The following PKP4 variants were observed in gnomAD, a reference collection of about 807,000 sequenced individuals.
PKP4 encodes the protein plakophilin 4, also known as plakophilin-4.
A neutral mutation model predicts 145.1 loss-of-function variants in PKP4; 90 were observed. The observed-to-expected ratio is 0.62, with a 90% CI of 0.52 to 0.74. The LOEUF is 0.74. Ranked by LOEUF, PKP4 falls within the 30% of genes least tolerant of loss-of-function variation. The pLI, the probability that PKP4 is intolerant of heterozygous loss-of-function variation, is 0.00. For synonymous variants in PKP4, 563 were observed against 577.2 expected (o/e 0.98, Z 0.35); for missense variants, 1,340 against 1,482.7 (o/e 0.90, Z 1.58).
In PKP4 at chr2:158,625,234, T is replaced by G; in HGVS notation, c.960T>G (p.Asp320Glu). 1 of 1,614,178 alleles carries G rather than the reference T, an allele frequency of 6.2e-7. No individual in the cohort carries two copies. Among genetic ancestry groups the G allele is most frequent in the Non-Finnish European group, 8.5e-7 (1 of 1,180,022 alleles). ...ARVGSPLTLT[D>E]AQTRVASPSQ... is the part of the protein sequence containing the mutation. ...TGGGGTCCCCACTGACCCTGACGGA[T>G]GCACAGACTCGAGTAGCTTCCCCAT... Residue 320 changes from aspartate to glutamate, a missense_variant, in exon 7 of 22, where the codon GAT becomes GAG. Asp to Glu is a conservative substitution (Grantham distance 45, BLOSUM62 2). Coordinates refer to ENST00000389759, the MANE Select transcript of PKP4 (RefSeq NM_003628.6).
chr2:158,504,553 A>G (rs1436588998), intron 1 of PKP4, among the ~76,000 whole-genome samples: 1 of 152,212 alleles, frequency 6.6e-6, no homozygotes, highest in East Asian at 1.9e-4. Context: ...CTAAGTTTTC[A>G]CTTTTCTCTT....
chr2:158,473,480 A>G (rs1226815539), intron 1 of PKP4, among the ~76,000 whole-genome samples: 2 of 152,246 alleles, frequency 1.3e-5, no homozygotes, highest in Non-Finnish European at 2.9e-5. Context: ...ATGCAGCCAT[A>G]AAAATAACAA....
intron 1 of PKP4, among the ~76,000 whole-genome samples, chr2:158,470,790 C>T (rs890841311): frequency 6.6e-5 from 10 of 152,048 alleles, no homozygotes; most frequent in Non-Finnish European, 7.4e-5. Flanking sequence ...AATTCATACC[C>T]CTTGAGGGCT....
At chr2:158,544,289 A>G (rs4664972) in intron 2 of PKP4, among the ~76,000 whole-genome samples, 139,798 of 152,212 alleles carry the variant, frequency 0.92, 64,257 homozygotes, top group East Asian at 0.98. Context: ...AGACTCATGA[A>G]AATAAAGGTT....
intron 4 of PKP4, among the ~76,000 whole-genome samples, chr2:158,615,206 T>C (rs2051485281): frequency 6.6e-6 from 1 of 152,204 alleles, no homozygotes; most frequent in African/African-American, 2.4e-5. Flanking sequence ...TAATTTTTTT[T>C]CCCAAAGAGA....
At chr2:158,620,611 ATTT>A (rs948822257) in intron 4 of PKP4, among the ~76,000 whole-genome samples, 6 of 152,298 alleles carry the variant, frequency 3.9e-5, no homozygotes, top group African/African-American at 1.4e-4. Context: ...GTAAGTTTTC[ATTT>A]TTAATTGTTT....
chr2:158,471,805 A>C (rs769162803), intron 1 of PKP4, among the ~76,000 whole-genome samples: 1 of 152,258 alleles, frequency 6.6e-6, no homozygotes, highest in Non-Finnish European at 1.5e-5. Flanking sequence ...CCTTTTTTAG[A>C]TACCTCATTA....
intron 11 of PKP4, among the ~76,000 whole-genome samples, chr2:158,655,007 C>CT (rs200776557): frequency 8.5e-5 from 13 of 152,102 alleles, no homozygotes; most frequent in South Asian, 6.2e-4. Context: ...AAATGTTCAT[C>CT]TTTTTTTAAA....
intron 1 of PKP4, among the ~76,000 whole-genome samples, chr2:158,527,115 C>T (rs1037142234): frequency 1.7e-5 from 2 of 117,096 alleles, no homozygotes; most frequent in African/African-American, 6.7e-5. Context: ...TGCCTTTCTT[C>T]ACAGAATTGG....
At chr2:158,576,067 A>G (rs922823537) in intron 2 of PKP4, among the ~76,000 whole-genome samples, 2 of 152,150 alleles carry the variant, frequency 1.3e-5, no homozygotes, top group South Asian at 4.1e-4. Flanking sequence ...ACCAGTTGGG[A>G]TCATTAGGAA....
chr2:158,463,884 G>A (rs560971071), intron 1 of PKP4, among the ~76,000 whole-genome samples: 11 of 152,272 alleles, frequency 7.2e-5, no homozygotes, highest in Middle Eastern at 3.4e-3. Flanking sequence ...CAGTGGCTCC[G>A]TGTCTTGTGC....
chr2:158,457,587 T>G (rs1429564867), intron 1 of PKP4: 3 of 152,698 alleles, frequency 2.0e-5, no homozygotes, highest in Non-Finnish European at 2.9e-5. Flanking sequence ...CTGGACGCCC[T>G]CGCGGCGGCT....
At chr2:158,513,959 C>T (rs1559249766) in intron 1 of PKP4, among the ~76,000 whole-genome samples, 1 of 152,184 alleles carries the variant, frequency 6.6e-6, no homozygotes, top group Non-Finnish European at 1.5e-5. Flanking sequence ...CCCGCTCTCC[C>T]ATGCGAAGTT....
chr2:158,627,497 G>A (rs1275014340), intron 7 of PKP4, among the ~76,000 whole-genome samples: 1 of 151,968 alleles, frequency 6.6e-6, no homozygotes, highest in Non-Finnish European at 1.5e-5. Flanking sequence ...GCCTCTCAGT[G>A]ATTTTTTTCT....
At chr2:158,586,152 A>G (rs1280199213) in intron 3 of PKP4, among the ~76,000 whole-genome samples, 1 of 152,126 alleles carries the variant, frequency 6.6e-6, no homozygotes, top group East Asian at 1.9e-4. Flanking sequence ...GATATGCCAC[A>G]TTTTATTTAT....
At chr2:158,598,703 A>T (rs558264952) in intron 3 of PKP4, among the ~76,000 whole-genome samples, 1 of 152,300 alleles carries the variant, frequency 6.6e-6, no homozygotes, top group South Asian at 2.1e-4. Context: ...TGGGAGGCGG[A>T]GCTTGCAGTG....
intron 2 of PKP4, among the ~76,000 whole-genome samples, chr2:158,560,983 G>C (rs1559326151): frequency 6.6e-6 from 1 of 152,220 alleles, no homozygotes; most frequent in Non-Finnish European, 1.5e-5. Context: ...CTACAGGACA[G>C]GTGGCCTACC....
rs140118978 is a variant in PKP4 at position 158,490,075 on chromosome 2, A to G, written c.-6+32857A>G. On this transcript the variant is annotated intron_variant, in intron 1 of 21. Coordinates refer to ENST00000389759, the MANE Select transcript of PKP4 (RefSeq NM_003628.6). ...TTAAAATAGACACATTAATGATACT[A>G]TATAAAACCGTGAGATTTATTTAAA... 4.8e-3 allele frequency among the ~76,000 whole-genome samples: 731 copies of G among 152,336 alleles called. 1 individual carries two copies. The highest frequency in any genetic ancestry group is 0.016 in the African/African-American group (666 of 41,572).
chr2:158,673,510 C>T (rs563197380), intron 17 of PKP4, among the ~76,000 whole-genome samples, 167 bp from the exon 18 acceptor site: 4 of 152,330 alleles, frequency 2.6e-5, no homozygotes, highest in Admixed American at 1.3e-4. Flanking sequence ...CGAACCTGAT[C>T]GACTCCCAGG....
Sources: allele counts gnomAD v4.1 joint callset (sites outside exome capture counted in the v4.1 genomes callset), GRCh38; gene constraint gnomAD v4.1.1; transcripts MANE v1.5; gene names NCBI Gene and HGNC (gene_info 2026-07-23, HGNC 2026-07-21).